EPHA6: variants seen among roughly 807,000 people sequenced by gnomAD.
The protein encoded by EPHA6 is ephrin type-A receptor 6.
In EPHA6, 50 loss-of-function variants were observed where a neutral mutation model predicts 112.0. The ratio of observed to expected loss-of-function variants is 0.45; its 90% confidence interval spans 0.36 to 0.56. The LOEUF (loss-of-function observed/expected upper bound fraction) is 0.56, where lower values mean the gene tolerates loss of function less well. Ranked by LOEUF, EPHA6 falls within the 20% of genes least tolerant of loss-of-function variation. The pLI is 0.00. For missense variants in EPHA6, 1,280 were observed against 1,417.4 expected (o/e 0.90, Z 1.56); for synonymous variants, 529 against 490.7 (o/e 1.08, Z -1.03).
intron 2 of EPHA6, among the ~76,000 whole-genome samples, chr3:96,882,140 C>T (rs2037350985): frequency 6.6e-6 from 1 of 152,088 alleles, no homozygotes; most frequent in Admixed American, 6.6e-5. Context: ...AGGCAGTGCC[C>T]CTGTAGGAAC....
At chr3:97,736,194 T>C in intron 16 of EPHA6, 76 bp downstream of exon 16, 8 of 1,235,040 alleles carry the variant, frequency 6.5e-6, no homozygotes, top group Non-Finnish European at 8.8e-6. Flanking sequence ...TAATAACAGG[T>C]AGAAAGGAAA....
At chr3:96,829,840 A>C (rs541146809) in intron 1 of EPHA6, among the ~76,000 whole-genome samples, 3 of 152,210 alleles carry the variant, frequency 2.0e-5, no homozygotes, top group Admixed American at 6.5e-5. Flanking sequence ...TTAAAATTTC[A>C]AAATAGCTTA....
intron 1 of EPHA6, among the ~76,000 whole-genome samples, chr3:96,858,917 A>G (rs2035852054): frequency 6.6e-6 from 1 of 152,248 alleles, no homozygotes; most frequent in African/African-American, 2.4e-5. Context: ...TATTTTTTCT[A>G]GAGACCACTT....
chr3:97,369,903 T>C (rs1184894895), intron 5 of EPHA6, among the ~76,000 whole-genome samples: 1 of 152,182 alleles, frequency 6.6e-6, no homozygotes, highest in African/African-American at 2.4e-5. Flanking sequence ...ATCAAAGTTT[T>C]CAATCTTTTA....
intron 8 of EPHA6, among the ~76,000 whole-genome samples, chr3:97,476,040 T>C (rs183062372): frequency 3.9e-5 from 6 of 152,220 alleles, no homozygotes; most frequent in South Asian, 4.1e-4. Context: ...TTTATACAGG[T>C]TTGATACAAA....
intron 3 of EPHA6, among the ~76,000 whole-genome samples, chr3:97,138,788 G>T (rs141342342): frequency 7.0e-4 from 107 of 152,328 alleles, no homozygotes; most frequent in Admixed American, 2.0e-3. Context: ...AGAAGGGTGT[G>T]GCCTGATAGT....
At chr3:97,146,470 C>G (rs2076045299) in intron 3 of EPHA6, among the ~76,000 whole-genome samples, 1 of 151,772 alleles carries the variant, frequency 6.6e-6, no homozygotes, top group African/African-American at 2.4e-5. Flanking sequence ...AATCATAAGA[C>G]TATTGGGCAT....
intron 5 of EPHA6, among the ~76,000 whole-genome samples, chr3:97,313,512 G>T (rs1266714873): frequency 1.3e-5 from 2 of 151,418 alleles, no homozygotes; most frequent in East Asian, 3.9e-4. Flanking sequence ...ATTGTACAAG[G>T]GTTCCTTTTT....
At chr3:97,556,689 G>A (rs747007877) in intron 11 of EPHA6, among the ~76,000 whole-genome samples, 6 of 151,968 alleles carry the variant, frequency 3.9e-5, no homozygotes, top group Non-Finnish European at 5.9e-5. Flanking sequence ...AACAATATCA[G>A]TGTGTCTTAC....
At chr3:97,665,088 C>T (rs1396911091) in intron 14 of EPHA6, among the ~76,000 whole-genome samples, 2 of 152,174 alleles carry the variant, frequency 1.3e-5, no homozygotes, top group Non-Finnish European at 2.9e-5. Flanking sequence ...GCTACAGTAA[C>T]CAAAACAGCA....
intron 2 of EPHA6, among the ~76,000 whole-genome samples, chr3:96,891,652 T>G (rs1390044754): frequency 6.6e-6 from 1 of 152,086 alleles, no homozygotes; most frequent in Non-Finnish European, 1.5e-5. Context: ...GAGGTTTCAA[T>G]GAGCCAAGAT....
chr3:97,309,221 A>G (rs2081445919), intron 5 of EPHA6, among the ~76,000 whole-genome samples: 1 of 151,678 alleles, frequency 6.6e-6, no homozygotes, highest in Non-Finnish European at 1.5e-5. Flanking sequence ...TATGTGTTAT[A>G]GACACATAAA....
chr3:97,313,062 C>G (rs367881360), intron 5 of EPHA6, among the ~76,000 whole-genome samples: 3 of 151,358 alleles, frequency 2.0e-5, no homozygotes, highest in Non-Finnish European at 4.4e-5. Flanking sequence ...CTCTTACTTC[C>G]CTGTCCTTCC....
chr3:97,715,698 G>A (rs1003614415), intron 14 of EPHA6, among the ~76,000 whole-genome samples: 3 of 152,102 alleles, frequency 2.0e-5, no homozygotes, highest in Non-Finnish European at 4.4e-5. Flanking sequence ...GGCTTATATA[G>A]TAATACTCAG....
intron 3 of EPHA6, among the ~76,000 whole-genome samples, chr3:97,133,989 T>A (rs2075705003): frequency 1.3e-5 from 2 of 152,116 alleles, no homozygotes; most frequent in South Asian, 4.1e-4. Flanking sequence ...AAAGTAAACA[T>A]ATTGGAACTA....
intron 3 of EPHA6, among the ~76,000 whole-genome samples, chr3:96,989,039 T>C (rs986931147): frequency 1.3e-5 from 2 of 152,224 alleles, no homozygotes; most frequent in East Asian, 3.9e-4. Context: ...TAAATAGTAA[T>C]ATACCGGAGA....
chr3:97,646,674 A>C lies in EPHA6; in HGVS notation c.2784+8592A>C, dbSNP rs376606679. Among the ~76,000 whole-genome samples, 14 of 152,320 alleles carry C rather than the reference A, an allele frequency of 9.2e-5. No individual in the cohort carries two copies. The South Asian group carries it at 2.7e-3, about 29-fold the overall frequency. ...TGCCAGCCACCAGAAACAGGAGTCC[A>C]TATGTACTTATGCCCACTGCATCCT... On this transcript the variant is annotated intron_variant, in intron 14 of 17. Coordinates refer to ENST00000389672, the MANE Select transcript of EPHA6 (RefSeq NM_001080448.3).
rs140104573 is a variant in EPHA6, at chr3:97,017,404, G to A, written c.1114+29411G>A. On this transcript the variant is annotated intron_variant, in intron 3 of 17. Coordinates refer to ENST00000389672, the MANE Select transcript of EPHA6 (RefSeq NM_001080448.3). ...CACAGCTGATGCCAACCCTCAGAAG[G>A]AGTATTTAAATCAGCCTCAGCTAGA... Among the ~76,000 whole-genome samples, 9 of 152,286 alleles carry A rather than the reference G, an allele frequency of 5.9e-5. No homozygotes were observed. The East Asian group carries it at 1.7e-3, about 29-fold the overall frequency.
chr3:97,605,924 G>A (rs962183924), intron 12 of EPHA6, among the ~76,000 whole-genome samples: 1 of 151,418 alleles, frequency 6.6e-6, no homozygotes, highest in Non-Finnish European at 1.5e-5. Flanking sequence ...TATTTCAGCA[G>A]TGTTTTGTAG....
Sources: allele counts gnomAD v4.1 joint callset (sites outside exome capture counted in the v4.1 genomes callset), GRCh38; gene constraint gnomAD v4.1.1; transcripts MANE v1.5; gene names NCBI Gene and HGNC (gene_info 2026-07-23, HGNC 2026-07-21).